ROBO2: variants seen among roughly 807,000 people sequenced by gnomAD.
ROBO2 encodes roundabout homolog 2.
Under a neutral mutation model 160.8 loss-of-function variants are expected in ROBO2, and 53 were observed. The observed-to-expected ratio is 0.33, with a 90% CI of 0.26 to 0.41. The LOEUF (loss-of-function observed/expected upper bound fraction) is 0.41. Among genes scored for constraint, ROBO2 ranks in the 10% least tolerant of loss-of-function variants. The pLI is 1.00. For synonymous variants in ROBO2, 664 were observed against 611.7 expected, an observed-to-expected ratio of 1.09 and a Z score of -1.26; for missense variants, 1,577 against 1,722.4, an observed-to-expected ratio of 0.92 and a Z score of 1.49.
At chr3:77,044,437 T>C (rs750320055) in intron 1 of ROBO2, among the ~76,000 whole-genome samples, 1 of 152,168 alleles carries the variant, frequency 6.6e-6, no homozygotes. Flanking sequence ...AAAAAAAGAT[T>C]ATCATCTTAT....
chr3:76,760,401 T>A (rs2061237646), intron 2 of ROBO2, among the ~76,000 whole-genome samples: 1 of 151,706 alleles, frequency 6.6e-6, no homozygotes, highest in African/African-American at 2.4e-5. Flanking sequence ...TATCTGGTTT[T>A]AAAAGAAGAT....
intron 2 of ROBO2, among the ~76,000 whole-genome samples, chr3:76,610,372 C>A (rs1199703203): frequency 6.6e-6 from 1 of 152,190 alleles, no homozygotes. Flanking sequence ...TGCCCGTATC[C>A]TGCAACCTCA....
At chr3:77,058,463 T>A (rs1159076439) in intron 1 of ROBO2, among the ~76,000 whole-genome samples, 1 of 152,214 alleles carries the variant, frequency 6.6e-6, no homozygotes, top group Non-Finnish European at 1.5e-5. Context: ...ATTTTCAGAA[T>A]GCTTCAAAAA....
intron 2 of ROBO2, among the ~76,000 whole-genome samples, chr3:77,111,856 G>A (rs552810642): frequency 1.1e-3 from 169 of 152,224 alleles, no homozygotes; most frequent in Middle Eastern, 6.8e-3. Flanking sequence ...ATTATGCATG[G>A]ATTATTGTGA....
At chr3:76,304,807 T>C (rs151326116) in intron 2 of ROBO2, among the ~76,000 whole-genome samples, 1,695 of 151,188 alleles carry the variant, frequency 0.011, 28 homozygotes, top group African/African-American at 0.039. Flanking sequence ...TCTCTTTCTT[T>C]TTTTTTGTCT....
intron 2 of ROBO2, among the ~76,000 whole-genome samples, chr3:75,953,651 C>T (rs531292531): frequency 1.7e-4 from 26 of 151,984 alleles, no homozygotes; most frequent in African/African-American, 6.3e-4. Flanking sequence ...ACTTAATATT[C>T]AGGCAGGGTG....
intron 2 of ROBO2, among the ~76,000 whole-genome samples, chr3:76,948,477 C>T (rs535010795): frequency 5.3e-5 from 8 of 151,650 alleles, no homozygotes; most frequent in African/African-American, 1.9e-4. Context: ...TTCTGTGCTA[C>T]ATTGTCAGTA....
chr3:76,961,815 A>C (rs546539281), intron 2 of ROBO2, among the ~76,000 whole-genome samples: 1 of 152,298 alleles, frequency 6.6e-6, no homozygotes, highest in East Asian at 1.9e-4. Flanking sequence ...TTTTATTGGT[A>C]TTAATGAAAT....
chr3:76,929,956 G>T (rs547802821), intron 2 of ROBO2, among the ~76,000 whole-genome samples: 1 of 152,080 alleles, frequency 6.6e-6, no homozygotes, highest in Admixed American at 6.5e-5. Flanking sequence ...CTCTACACTG[G>T]CTATTTACTG....
intron 2 of ROBO2, among the ~76,000 whole-genome samples, chr3:76,506,433 G>A (rs777373943): frequency 2.0e-5 from 3 of 151,870 alleles, no homozygotes; most frequent in Admixed American, 6.6e-5. Context: ...TGTATCCTTC[G>A]TTTTCTTGCC....
intron 2 of ROBO2, among the ~76,000 whole-genome samples, chr3:77,143,934 G>A (rs1271444604): frequency 1.3e-5 from 2 of 151,934 alleles, no homozygotes; most frequent in Non-Finnish European, 2.9e-5. Flanking sequence ...ACGGACCATT[G>A]AATTGTCCTA....
At chr3:77,492,733 C>G (rs192125672) in intron 4 of ROBO2, among the ~76,000 whole-genome samples, 57 of 152,214 alleles carry the variant, frequency 3.7e-4, no homozygotes, top group South Asian at 1.0e-3. Context: ...GAGTCCTTAT[C>G]AAATCATAGC....
chr3:77,112,009 C>A (rs1486647098), intron 2 of ROBO2, among the ~76,000 whole-genome samples: 2 of 151,716 alleles, frequency 1.3e-5, no homozygotes, highest in Admixed American at 6.6e-5. Flanking sequence ...CCCAGGCGTT[C>A]AAGACCAGCC....
At chr3:77,225,876 A>G (rs1276432930) in intron 2 of ROBO2, among the ~76,000 whole-genome samples, 2 of 152,018 alleles carry the variant, frequency 1.3e-5, no homozygotes, top group African/African-American at 4.8e-5. Context: ...CCTGCTATGG[A>G]GATTTTATCA....
intron 2 of ROBO2, among the ~76,000 whole-genome samples, chr3:76,932,270 A>G (rs988351878): frequency 6.6e-6 from 1 of 152,200 alleles, no homozygotes; most frequent in African/African-American, 2.4e-5. Context: ...ATTTATTTAT[A>G]TATGTTCAAT....
chr3:77,309,211 C>A (rs1410454245), intron 2 of ROBO2, among the ~76,000 whole-genome samples: 1 of 151,906 alleles, frequency 6.6e-6, no homozygotes, highest in Admixed American at 6.6e-5. Context: ...CTAATAAATG[C>A]CAGTTGTTAC....
intron 2 of ROBO2, among the ~76,000 whole-genome samples, chr3:76,940,143 G>A (rs1405682955): frequency 3.3e-5 from 5 of 151,856 alleles, no homozygotes; most frequent in Admixed American, 2.0e-4. Flanking sequence ...CACCACGCCC[G>A]GGTAATTTTT....
At chr3:76,369,110 C>G (rs1005159338) in intron 2 of ROBO2, among the ~76,000 whole-genome samples, 4 of 151,972 alleles carry the variant, frequency 2.6e-5, no homozygotes, top group African/African-American at 9.7e-5. Flanking sequence ...GCCTGCTACT[C>G]TATCCATGGC....
intron 2 of ROBO2, among the ~76,000 whole-genome samples, chr3:76,616,641 A>C (rs189399488): frequency 6.6e-6 from 1 of 152,356 alleles, no homozygotes; most frequent in East Asian, 1.9e-4. Context: ...CCTCTCCCAG[A>C]GGAGTCACAC....
Sources: allele counts gnomAD v4.1 joint callset (sites outside exome capture counted in the v4.1 genomes callset), GRCh38; gene constraint gnomAD v4.1.1; transcripts MANE v1.5; gene names NCBI Gene and HGNC (gene_info 2026-07-23, HGNC 2026-07-21).